The following ACACA variants were observed in gnomAD, a reference collection of about 807,000 sequenced individuals.
ACACA encodes the protein acetyl-CoA carboxylase alpha.
ACACA carries 103 observed loss-of-function variants against 296.1 expected under a neutral mutation model. The observed-to-expected ratio is 0.35, with a 90% CI of 0.30 to 0.41. The LOEUF (loss-of-function observed/expected upper bound fraction) is 0.41, where lower values mean the gene tolerates loss of function less well. Among genes scored for constraint, ACACA ranks in the 10% least tolerant of loss-of-function variants. ACACA has a pLI of 1.00. For synonymous variants in ACACA, 953 were observed against 1,038.6 expected (o/e 0.92, Z 1.58); for missense variants, 1,554 against 2,989.7 (o/e 0.52, Z 11.20).
At chr17:37,102,900 CT>C (rs2073447947) in intron 52 of ACACA, among the ~76,000 whole-genome samples, 1 of 152,122 alleles carries the variant, frequency 6.6e-6, no homozygotes, top group Admixed American at 6.5e-5. Context: ...CAGGGCATTC[CT>C]CCAAAGCCTA....
chr17:37,090,525 GC>G (rs2072545155), intron 54 of ACACA, among the ~76,000 whole-genome samples: 1 of 152,108 alleles, frequency 6.6e-6, no homozygotes, highest in African/African-American at 2.4e-5. Flanking sequence ...GGGGTGTGTG[GC>G]CCCGTCAGTG....
intron 52 of ACACA, among the ~76,000 whole-genome samples, chr17:37,098,392 G>A (rs183563224): frequency 2.0e-5 from 3 of 152,328 alleles, no homozygotes; most frequent in Admixed American, 2.0e-4. Context: ...AAAGCAGCTG[G>A]GCTATTCCAC....
intron 39 of ACACA, among the ~76,000 whole-genome samples, chr17:37,182,975 CGGGGG>C (rs1243198966): frequency 2.6e-5 from 4 of 151,970 alleles, no homozygotes; most frequent in Admixed American, 6.6e-5. Flanking sequence ...AAAAGTCACC[CGGGGG>C]GAAGCAGAAT....
chr17:37,390,120 T>C (rs2050727870), intron 1 of ACACA, among the ~76,000 whole-genome samples: 1 of 77,552 alleles, frequency 1.3e-5, no homozygotes, highest in Non-Finnish European at 2.3e-5. Flanking sequence ...AGCGAGACAC[T>C]GTCTCTATTA....
At chr17:37,169,733 T>C (rs1167237374) in intron 41 of ACACA, among the ~76,000 whole-genome samples, 3 of 152,186 alleles carry the variant, frequency 2.0e-5, no homozygotes, top group Admixed American at 1.3e-4. Context: ...TGTATATTAA[T>C]TGAAGAATAA....
At chr17:37,184,394 C>T (rs2077446936) in intron 39 of ACACA, among the ~76,000 whole-genome samples, 1 of 152,162 alleles carries the variant, frequency 6.6e-6, no homozygotes, top group South Asian at 2.1e-4. Context: ...TATTGCCTGC[C>T]CTTTGGGGGT....
chr17:37,221,463 A>AAAAC (rs1348637882), intron 29 of ACACA: 2 of 478,814 alleles, frequency 4.2e-6, no homozygotes, highest in Non-Finnish European at 7.4e-6. Context: ...AATTTTTTAA[A>AAAAC]AAAGAAACTA....
chr17:37,112,256 C>A (rs73982230), intron 51 of ACACA, among the ~76,000 whole-genome samples: 81 of 152,022 alleles, frequency 5.3e-4, no homozygotes, highest in African/African-American at 1.9e-3. Context: ...AGAAACTTTA[C>A]CCCAAACATG....
chr17:37,322,823 T>C (rs575808605), intron 3 of ACACA, among the ~76,000 whole-genome samples: 1 of 152,290 alleles, frequency 6.6e-6, no homozygotes, highest in East Asian at 1.9e-4. Context: ...GGAGCCCTGA[T>C]TCCTGGGGAA....
intron 54 of ACACA, among the ~76,000 whole-genome samples, chr17:37,093,598 A>G (rs551203974): frequency 6.6e-6 from 1 of 152,214 alleles, no homozygotes; most frequent in African/African-American, 2.4e-5. Flanking sequence ...CCTTGGCCCA[A>G]GCGATGCTCC....
intron 8 of ACACA, among the ~76,000 whole-genome samples, 154 bp from the exon 9 acceptor site, chr17:37,274,453 G>A (rs1258827370): frequency 6.6e-6 from 1 of 152,160 alleles, no homozygotes; most frequent in Admixed American, 6.5e-5. Flanking sequence ...AGTCCTTGGG[G>A]TTAACAGGAT....
intron 1 of ACACA, chr17:37,389,461 C>CT (rs1422689218): frequency 3.2e-5 from 47 of 1,457,498 alleles, no homozygotes; most frequent in African/African-American, 4.2e-5. Flanking sequence ...CTTTGAGAGG[C>CT]TGAGGCAGGT....
intron 1 of ACACA, among the ~76,000 whole-genome samples, chr17:37,340,646 C>T (rs1239106006): frequency 6.6e-6 from 1 of 152,172 alleles, no homozygotes; most frequent in African/African-American, 2.4e-5. Context: ...GAGAGGACCC[C>T]TAAATGACAA....
In ACACA at chr17:37,089,791, G is replaced by T. The variant is rs528420752; in HGVS notation, c.6892-717C>A. ...TTAGCTGAGTATTTCCTAGGTGGTT[G>T]ACTACATAATAATTCAGGAGTGTGT... On this transcript the variant is annotated intron_variant, in intron 54 of 55. Transcript: ENST00000616317. Among the ~76,000 whole-genome samples the T allele has an allele frequency of 1.4e-4, 22 of 152,268 alleles. No homozygotes were observed. The East Asian group carries it at 4.0e-3, about 28-fold the overall frequency.
At chr17:37,368,308 CTG>C (rs1189181687) in intron 1 of ACACA, among the ~76,000 whole-genome samples, 3 of 151,908 alleles carry the variant, frequency 2.0e-5, no homozygotes, top group Non-Finnish European at 4.4e-5. Flanking sequence ...TGGCTGGGCA[CTG>C]TGGTTCACAC....
At chr17:37,364,482 T>C (rs1376830125) in intron 1 of ACACA, among the ~76,000 whole-genome samples, 3 of 150,360 alleles carry the variant, frequency 2.0e-5, no homozygotes, top group Non-Finnish European at 3.0e-5. Flanking sequence ...TAATCCCAGC[T>C]ACTTACGAGG....
chr17:37,103,867 T>C (rs576795835), intron 52 of ACACA, among the ~76,000 whole-genome samples: 3 of 151,934 alleles, frequency 2.0e-5, no homozygotes, highest in Admixed American at 1.3e-4. Flanking sequence ...CGAGACCCTG[T>C]CTTTCCTCCT....
At chr17:37,304,493 T>TA (rs946603908) in intron 3 of ACACA, among the ~76,000 whole-genome samples, 6 of 152,064 alleles carry the variant, frequency 3.9e-5, no homozygotes, top group African/African-American at 7.2e-5. Context: ...TTGTCATGCT[T>TA]AAAAAAACAG....
intron 5 of ACACA, among the ~76,000 whole-genome samples, chr17:37,281,091 C>T (rs1459041894): frequency 1.4e-5 from 2 of 144,232 alleles, no homozygotes; most frequent in African/African-American, 5.2e-5. Context: ...GACTGAGTCT[C>T]GCTTTGTGGC....
Sources: gnomAD v4.1 joint callset for allele counts (sites outside exome capture counted in the v4.1 genomes callset) on GRCh38, gnomAD v4.1.1 for gene constraint, MANE v1.5 for transcripts, NCBI Gene and HGNC (gene_info 2026-07-23, HGNC 2026-07-21) for gene names.